SENP5: variants seen among roughly 807,000 people sequenced by gnomAD.
The protein encoded by SENP5 is SUMO specific peptidase 5.
Under a neutral mutation model 74.2 loss-of-function variants are expected in SENP5, and 21 were observed. The observed-to-expected ratio is 0.28, with a 90% CI of 0.20 to 0.41. The LOEUF is 0.41. Ranked by LOEUF, SENP5 falls within the 10% of genes least tolerant of loss-of-function variation. The pLI, the probability that SENP5 is intolerant of heterozygous loss-of-function variation, is 1.00. For synonymous variants in SENP5, 311 were observed against 312.7 expected, an observed-to-expected ratio of 0.99 and a Z score of 0.06; for missense variants, 717 against 889.1, an observed-to-expected ratio of 0.81 and a Z score of 2.46.
Position 196,913,038 on chromosome 3 carries a change from C to A in SENP5, c.1884+9428C>A, listed in dbSNP as rs1293056754. The A allele has an allele frequency of 2.0e-5, 3 of 152,240 alleles. No homozygotes were observed. The East Asian group carries it at 5.8e-4, about 29-fold the overall frequency. 9.4% of individuals were successfully genotyped at this position (152,240 alleles called of 1,614,324 possible). On this transcript the variant is annotated intron_variant, in intron 6 of 9. Coordinates refer to ENST00000323460, the MANE Select transcript of SENP5 (RefSeq NM_152699.5). ...ATATAAAGGAGATATAATGACCAAT[C>A]TTTATGCACCAAAGCACACAGTTGC...
In SENP5 at chr3:196,885,805, T is replaced by C; in HGVS notation, c.624T>C (p.Asn208=). Residue 208 remains asparagine, a synonymous_variant, in exon 2 of 10, where the codon AAT becomes AAC. Transcript: ENST00000323460. Reference sequence around the variant, plus strand: ...GCCAAGGGCCGGAGCACCACAGGAATGGGGGACCCTTGATTCCAAAAAAGT... The same window carrying C: ...GCCAAGGGCCGGAGCACCACAGGAACGGGGGACCCTTGATTCCAAAAAAGT... ...GCCQGPEHHR[N]GGPLIPKKFQ... 6.2e-7 allele frequency: 1 copy of C among 1,614,214 alleles called. No individual in the cohort carries two copies. Among genetic ancestry groups the C allele is most frequent in the Non-Finnish European group, 8.5e-7 (1 of 1,180,040 alleles).
intron 2 of SENP5, among the ~76,000 whole-genome samples, chr3:196,894,389 C>G (rs1259127732): frequency 6.6e-6 from 1 of 151,952 alleles, no homozygotes; most frequent in African/African-American, 2.4e-5. Flanking sequence ...TCCCAAAGTG[C>G]TGGGATTACA....
At chr3:196,908,227 C>A (rs1175902269) in intron 6 of SENP5, among the ~76,000 whole-genome samples, 1 of 152,158 alleles carries the variant, frequency 6.6e-6, no homozygotes, top group African/African-American at 2.4e-5. Context: ...CTGCAGTGAA[C>A]CCTGATCACG....
At chr3:196,889,999 C>T (rs962687310) in intron 2 of SENP5, among the ~76,000 whole-genome samples, 1 of 152,182 alleles carries the variant, frequency 6.6e-6, no homozygotes, top group Non-Finnish European at 1.5e-5. Context: ...GATACTCACC[C>T]ACACACGTAC....
chr3:196,895,680 C>T (rs1381393360), intron 2 of SENP5, among the ~76,000 whole-genome samples: 1 of 152,030 alleles, frequency 6.6e-6, no homozygotes, highest in Non-Finnish European at 1.5e-5. Flanking sequence ...TGCCAACATG[C>T]TTGGCTAATT....
intron 6 of SENP5, among the ~76,000 whole-genome samples, chr3:196,904,384 T>C (rs1367707996): frequency 6.6e-6 from 1 of 152,102 alleles, no homozygotes; most frequent in Non-Finnish European, 1.5e-5. Context: ...GTGAGTTTGG[T>C]ATATTGGAGT....
chr3:196,904,992 T>TG (rs1714846017), intron 6 of SENP5: 5 of 152,190 alleles, frequency 3.3e-5, no homozygotes, highest in African/African-American at 1.2e-4. Flanking sequence ...CTCTGCCTCC[T>TG]GGGTTCAAGC....
chr3:196,908,249 C>T (rs2108845472), intron 6 of SENP5, among the ~76,000 whole-genome samples: 1 of 152,290 alleles, frequency 6.6e-6, no homozygotes, highest in East Asian at 1.9e-4. Flanking sequence ...CACTGCACTC[C>T]TGCCTGGGTG....
At chr3:196,872,936 A>G (rs576146221) in intron 1 of SENP5, among the ~76,000 whole-genome samples, 1 of 152,084 alleles carries the variant, frequency 6.6e-6, no homozygotes, top group Non-Finnish European at 1.5e-5. Context: ...GTGGGAGGAT[A>G]TTTAAATCAT....
At position 196,885,630 on chromosome 3, in the gene SENP5, G is replaced by A. The variant is rs1402337418; in HGVS notation, c.449G>A (p.Gly150Asp). Residue 150 changes from glycine to aspartate, a missense_variant, in exon 2 of 10, where the codon GGT becomes GAT. By Grantham distance (94) the Gly-to-Asp change is moderately conservative. Around this residue, in one of 4 missense-constraint regions of SENP5, gnomAD observed 567 missense variants for 577.4 expected, o/e 0.98. Transcript: ENST00000323460. ...VTDFPSNSAL[G>D]QANGHRPRTD... ...GACTTTCCATCAAATAGTGCTTTAG[G>A]TCAGGCCAATGGTCACAGACCTAGG... The A allele has an allele frequency of 1.2e-6, 2 of 1,614,174 alleles. No individual in the cohort carries two copies. The highest frequency in any genetic ancestry group is 1.1e-5 in the South Asian group (1 of 91,080).
chr3:196,906,731 C>T (rs898799926), intron 6 of SENP5, among the ~76,000 whole-genome samples: 1 of 152,110 alleles, frequency 6.6e-6, no homozygotes, highest in African/African-American at 2.4e-5. Flanking sequence ...TGTACCTGAT[C>T]CACAGATCAG....
Position 196,908,806 on chromosome 3 carries a change from A to C in SENP5, c.1884+5196A>C, listed in dbSNP as rs530091451. 4.2e-3 allele frequency among the ~76,000 whole-genome samples: 611 copies of C among 144,028 alleles called. 7 individuals are homozygous for C. Among genetic ancestry groups the C allele is most frequent in the African/African-American group, 0.015 (574 of 38,154 alleles). The allele number at this position is 144,028 out of a possible 152,430, so 94.5% of individuals were successfully genotyped here. A position where few individuals can be genotyped will look rare whatever the true frequency, so the allele number is the denominator to read the frequency against. On this transcript the variant is annotated intron_variant, in intron 6 of 9. Coordinates refer to ENST00000323460, the MANE Select transcript of SENP5 (RefSeq NM_152699.5). ...CCATTGCACTCCAGCCTGGGCAAGA[A>C]GAGTGAAACTCTGTCTCAAAACAAA...
chr3:196,931,949 C>A lies in SENP5; in HGVS notation c.*1026C>A, dbSNP rs1411690240. ...AGAAGAGGGAAGGTAATAGAGACAA[C>A]TTAGTCCCATGGGAGCGCAGCAACC... is the stretch of plus-strand genomic sequence containing the variant. On this transcript the variant is annotated 3_prime_UTR_variant, in exon 10 of 10. Coordinates refer to ENST00000323460, the MANE Select transcript of SENP5 (RefSeq NM_152699.5). The A allele has an allele frequency of 2.2e-5, 10 of 452,970 alleles. No individual in the cohort carries two copies. Among genetic ancestry groups the A allele is most frequent in the Non-Finnish European group, 4.0e-5 (9 of 225,756 alleles). The allele number at this position is 452,970 out of a possible 1,614,324, so 28.1% of individuals were successfully genotyped here.
At chr3:196,869,873 G>A (rs1713136108) in intron 1 of SENP5, among the ~76,000 whole-genome samples, 1 of 133,012 alleles carries the variant, frequency 7.5e-6, no homozygotes, top group Admixed American at 8.1e-5. Flanking sequence ...AGGCCATTAT[G>A]TGAATCCTTC....
Position 196,885,968 on chromosome 3 carries a change from G to T in SENP5, c.787G>T (p.Ala263Ser). 6.2e-7 allele frequency: 1 copy of T among 1,614,196 alleles called. No homozygotes were observed. Among genetic ancestry groups the T allele is most frequent in the Admixed American group, 1.7e-5 (1 of 60,014 alleles). ...AAGCAAGGTTTGCAAGCTAAGAAAAGCCCAGCGAAGCTGGGTACAGAAAGT... is the reference window on the plus strand; with the variant it reads ...AAGCAAGGTTTGCAAGCTAAGAAAATCCCAGCGAAGCTGGGTACAGAAAGT... The part of the protein sequence containing the change: ...TKSKVCKLRK[A>S]QRSWVQKVTG... The change falls in exon 2 of 10, where the codon GCC becomes TCC. Residue 263 changes from alanine to serine, a missense_variant. Physicochemically the swap from Ala to Ser is moderately conservative, Grantham distance 99. Transcript: ENST00000323460.
At chr3:196,899,124 G>C (rs1466460348) in intron 2 of SENP5, among the ~76,000 whole-genome samples, 1 of 151,032 alleles carries the variant, frequency 6.6e-6, no homozygotes, top group Non-Finnish European at 1.5e-5. Context: ...ATCCAGTTGA[G>C]CTCACCTCAC....
At chr3:196,893,403 TA>T (rs2108827326) in intron 2 of SENP5, among the ~76,000 whole-genome samples, 1 of 152,310 alleles carries the variant, frequency 6.6e-6, no homozygotes, top group East Asian at 1.9e-4. Flanking sequence ...AAAATTTAGA[TA>T]TGCATGCCCT....
At chr3:196,900,314 C>T in intron 4 of SENP5, 51 bp from the exon 5 acceptor site, 1 of 1,532,604 alleles carries the variant, frequency 6.5e-7, no homozygotes, top group Non-Finnish European at 8.9e-7. Flanking sequence ...TTTTCTTTCT[C>T]CAACTTAACT....
intron 6 of SENP5, among the ~76,000 whole-genome samples, chr3:196,907,282 G>C (rs1169143093): frequency 1.3e-5 from 2 of 151,846 alleles, no homozygotes; most frequent in South Asian, 2.1e-4. Context: ...GACCATCCTG[G>C]CTAACACGGT....
Sources: gnomAD v4.1 joint callset for allele counts (sites outside exome capture counted in the v4.1 genomes callset) on GRCh38, gnomAD v4.1.1 for gene constraint, gnomAD v4.1.1 regional missense constraint, MANE v1.5 for transcripts, NCBI Gene and HGNC (gene_info 2026-07-23, HGNC 2026-07-21) for gene names.